Variants in PHACTR1 observed in about 807,000 individuals in gnomAD.
PHACTR1 encodes the protein phosphatase and actin regulator 1, also known as RPEL repeat containing 1.
A neutral mutation model predicts 69.2 loss-of-function variants in PHACTR1; 16 were observed. That is an observed-to-expected ratio of 0.23 (90% CI 0.16 to 0.35). The LOEUF (loss-of-function observed/expected upper bound fraction) is 0.35. Among genes scored for constraint, PHACTR1 ranks in the 10% least tolerant of loss-of-function variants. PHACTR1 has a pLI of 1.00. For synonymous variants in PHACTR1, 312 were observed against 284.5 expected (o/e 1.10, Z -0.97); for missense variants, 510 against 734.7 (o/e 0.69, Z 3.54).
chr6:13,023,480 A>T (rs577926852), intron 4 of PHACTR1, among the ~76,000 whole-genome samples: 17 of 152,352 alleles, frequency 1.1e-4, no homozygotes, highest in African/African-American at 4.1e-4. Flanking sequence ...AAAAGTAATT[A>T]TAAAATCAAA....
chr6:12,941,633 G>A (rs187269883), intron 4 of PHACTR1, among the ~76,000 whole-genome samples: 104 of 152,198 alleles, frequency 6.8e-4, no homozygotes, highest in African/African-American at 2.3e-3. Flanking sequence ...AAACGTCCTT[G>A]AAGTGTAGCA....
chr6:13,091,992 G>T (rs997652573), intron 5 of PHACTR1, among the ~76,000 whole-genome samples: 27 of 152,106 alleles, frequency 1.8e-4, no homozygotes, highest in African/African-American at 5.8e-4. Context: ...TAGAGACGGG[G>T]TTTCACTGTG....
At chr6:13,280,124 T>C (rs912040249) in intron 12 of PHACTR1, 1 of 152,208 alleles carries the variant, frequency 6.6e-6, no homozygotes, top group African/African-American at 2.4e-5. Context: ...AACTGCATGA[T>C]TTGGTAATGA....
intron 5 of PHACTR1, among the ~76,000 whole-genome samples, chr6:13,133,868 G>A (rs1480657739): frequency 6.6e-5 from 10 of 151,428 alleles, no homozygotes; most frequent in African/African-American, 9.7e-5. Flanking sequence ...CTTCCCGGCC[G>A]CCATCCCGTC....
intron 4 of PHACTR1, among the ~76,000 whole-genome samples, chr6:12,984,569 T>G (rs1424025969): frequency 6.6e-6 from 1 of 152,246 alleles, no homozygotes; most frequent in East Asian, 1.9e-4. Context: ...CATTGTTTAT[T>G]TCTAAGTTAT....
At chr6:12,971,376 CATAG>C (rs1411802168) in intron 4 of PHACTR1, among the ~76,000 whole-genome samples, 3 of 152,146 alleles carry the variant, frequency 2.0e-5, no homozygotes, top group South Asian at 2.1e-4. Context: ...GGCACATGCA[CATAG>C]ATAGGGCTGA....
chr6:12,924,515 C>T (rs1788055442), intron 4 of PHACTR1, among the ~76,000 whole-genome samples: 1 of 152,150 alleles, frequency 6.6e-6, no homozygotes, highest in Non-Finnish European at 1.5e-5. Flanking sequence ...TGGCTCACGC[C>T]TGTAATCCCA....
At chr6:13,240,051 A>T (rs528779845) in intron 10 of PHACTR1, among the ~76,000 whole-genome samples, 2,467 of 108,150 alleles carry the variant, frequency 0.023, 58 homozygotes, top group African/African-American at 0.1. Context: ...AAGTTTCTTT[A>T]AAAAAAAAAA....
intron 6 of PHACTR1, among the ~76,000 whole-genome samples, chr6:13,161,390 C>T (rs564141586): frequency 1.3e-5 from 2 of 151,938 alleles, no homozygotes; most frequent in Non-Finnish European, 2.9e-5. Context: ...CTGAGGACCA[C>T]ACTCCCTCTG....
intron 3 of PHACTR1, among the ~76,000 whole-genome samples, chr6:12,739,383 A>G (rs954277793): frequency 2.6e-5 from 4 of 152,184 alleles, no homozygotes; most frequent in African/African-American, 9.7e-5. Flanking sequence ...ATGTATAAAG[A>G]CAGCCCAAGT....
intron 4 of PHACTR1, among the ~76,000 whole-genome samples, chr6:13,008,067 G>T (rs570575092): frequency 6.6e-6 from 1 of 152,126 alleles, no homozygotes. Context: ...GTTTCAACTA[G>T]ATTGTTTTAT....
At chr6:12,767,090 T>C (rs1045605103) in intron 4 of PHACTR1, among the ~76,000 whole-genome samples, 5 of 152,228 alleles carry the variant, frequency 3.3e-5, no homozygotes, top group Non-Finnish European at 5.9e-5. Context: ...CCTTTTGCAG[T>C]CCATTCAATA....
intron 12 of PHACTR1, chr6:13,279,913 C>T (rs1352653900): frequency 1.4e-5 from 2 of 145,542 alleles, no homozygotes; most frequent in Non-Finnish European, 3.0e-5. Flanking sequence ...ATTTCTGATA[C>T]AGAAAGGTCT....
At chr6:13,079,042 GA>G (rs1317676757) in intron 5 of PHACTR1, among the ~76,000 whole-genome samples, 2 of 152,020 alleles carry the variant, frequency 1.3e-5, no homozygotes, top group African/African-American at 4.8e-5. Flanking sequence ...TTGTTGAAAA[GA>G]AAAAAAGTTT....
At chr6:13,239,463 G>A (rs1249320432) in intron 10 of PHACTR1, among the ~76,000 whole-genome samples, 1 of 152,154 alleles carries the variant, frequency 6.6e-6, no homozygotes, top group Non-Finnish European at 1.5e-5. Context: ...TCAGGCTATA[G>A]CACTACCTGT....
intron 4 of PHACTR1, among the ~76,000 whole-genome samples, chr6:12,750,537 AGGGAAGGAAGGAAGGG>A (rs1414958767): frequency 2.4e-5 from 3 of 124,616 alleles, no homozygotes; most frequent in Non-Finnish European, 4.9e-5. Flanking sequence ...GGAAAGAAGG[AGGGAAGGAAGGAAGGG>A]GGGAAGGAAG....
At chr6:12,953,138 T>C (rs370308928) in intron 4 of PHACTR1, among the ~76,000 whole-genome samples, 37 of 152,138 alleles carry the variant, frequency 2.4e-4, no homozygotes, top group African/African-American at 8.2e-4. Flanking sequence ...GCCTGGCCAA[T>C]GTGGTGAAAC....
At chr6:13,022,346 T>G (rs1801095831) in intron 4 of PHACTR1, among the ~76,000 whole-genome samples, 2 of 152,178 alleles carry the variant, frequency 1.3e-5, no homozygotes, top group African/African-American at 4.8e-5. Context: ...CTGCTGGAGG[T>G]GCCTAAAACC....
At chr6:13,038,690 A>C (rs965222570) in intron 4 of PHACTR1, among the ~76,000 whole-genome samples, 3 of 152,224 alleles carry the variant, frequency 2.0e-5, no homozygotes, top group Non-Finnish European at 4.4e-5. Flanking sequence ...GTTCAGCTGC[A>C]TAAAACCAAC....
Sources: gnomAD v4.1 joint callset for allele counts (sites outside exome capture counted in the v4.1 genomes callset) on GRCh38, gnomAD v4.1.1 for gene constraint, MANE v1.5 for transcripts, NCBI Gene and HGNC (gene_info 2026-07-23, HGNC 2026-07-21) for gene names.